Variants in FAM227B observed in about 807,000 individuals in gnomAD.
The protein encoded by FAM227B is protein FAM227B.
FAM227B carries 88 observed loss-of-function variants against 73.8 expected under a neutral mutation model. The ratio of observed to expected loss-of-function variants is 1.19; its 90% CI spans 1.00 to 1.42. FAM227B has a LOEUF of 1.42. FAM227B is among the 40% of genes most tolerant of loss of function. FAM227B has a pLI of 0.00. For synonymous variants in FAM227B, 210 were observed against 190.5 expected (o/e 1.10, Z -0.84); for missense variants, 632 against 590.9 (o/e 1.07, Z -0.72).
intron 11 of FAM227B, among the ~76,000 whole-genome samples, chr15:49,473,319 C>T (rs1005350070): frequency 5.3e-4 from 80 of 151,956 alleles, no homozygotes; most frequent in Admixed American, 4.9e-3. Context: ...AATTTATAAC[C>T]TTAACAAACC....
chr15:49,493,888 A>ATATATATGTGTG lies in FAM227B; in HGVS notation c.1012+14322_1012+14323insCACACATATATA, dbSNP rs146161182. Among the ~76,000 whole-genome samples, 1,200 of 148,888 alleles carry ATATATATGTGTG rather than the reference A, an allele frequency of 8.1e-3. 25 individuals carry two copies. Among genetic ancestry groups the ATATATATGTGTG allele is most frequent in the African/African-American group, 0.029 (1,151 of 40,386 alleles). On this transcript the variant is annotated intron_variant, in intron 11 of 15. Transcript: ENST00000299338. ...TATGTATGTGTATATATATATATATATGTGTGTGTGTGTATGTATGTGTGT... is the reference window on the plus strand; with the variant it reads ...TATGTATGTGTATATATATATATATATATATATGTGTGTGTGTGTGTGTGTATGTATGTGTGT...
At chr15:49,503,976 C>T (rs570704582) in intron 11 of FAM227B, among the ~76,000 whole-genome samples, 59 of 152,020 alleles carry the variant, frequency 3.9e-4, no homozygotes, top group African/African-American at 9.2e-4. Context: ...CACATGCACA[C>T]GTATGTTTAT....
chr15:49,601,329 A>C (rs2077193970), intron 3 of FAM227B, among the ~76,000 whole-genome samples: 1 of 151,828 alleles, frequency 6.6e-6, no homozygotes, highest in South Asian at 2.1e-4. Context: ...GGCTTACATA[A>C]AACATCTTAC....
At chr15:49,455,469 T>C (rs1409084006) in intron 11 of FAM227B, among the ~76,000 whole-genome samples, 1 of 152,160 alleles carries the variant, frequency 6.6e-6, no homozygotes, top group Non-Finnish European at 1.5e-5. Flanking sequence ...AGTAAGGCAA[T>C]GTTAAAAATA....
At chr15:49,453,769 C>T (rs537174314) in intron 11 of FAM227B, among the ~76,000 whole-genome samples, 3 of 152,238 alleles carry the variant, frequency 2.0e-5, no homozygotes, top group South Asian at 4.2e-4. Context: ...CACTAGATAG[C>T]TCTCCTGATG....
chr15:49,592,016 T>C (rs1172913106), intron 3 of FAM227B, among the ~76,000 whole-genome samples: 1 of 152,224 alleles, frequency 6.6e-6, no homozygotes, highest in Non-Finnish European at 1.5e-5. Flanking sequence ...GGTTTTCTGC[T>C]CCATCAGGTC....
intron 11 of FAM227B, among the ~76,000 whole-genome samples, chr15:49,457,334 G>A (rs968107835): frequency 4.6e-5 from 7 of 151,930 alleles, no homozygotes; most frequent in African/African-American, 1.7e-4. Context: ...TACCCTGTAG[G>A]TGGAATCCAT....
At chr15:49,349,640 G>A (rs1210264375) in intron 13 of FAM227B, among the ~76,000 whole-genome samples, 1 of 152,082 alleles carries the variant, frequency 6.6e-6, no homozygotes, top group Non-Finnish European at 1.5e-5. Flanking sequence ...GCATCAAAGG[G>A]AATTGAGCAG....
chr15:49,606,092 T>C (rs1262898599), intron 3 of FAM227B: 1 of 152,226 alleles, frequency 6.6e-6, no homozygotes, highest in African/African-American at 2.4e-5. Context: ...CTCTTCAAGG[T>C]ATCTTTTCTT....
In FAM227B at chr15:49,496,873, T is replaced by C. The variant is rs557724814; in HGVS notation, c.1012+11338A>G. ...TACTAATGTTTTACCCTAGTTCTGC[T>C]CTTTATCTGCCTTAGCCTTCCTCCA... On this transcript the variant is annotated intron_variant, in intron 11 of 15. Coordinates refer to ENST00000299338, the MANE Select transcript of FAM227B (RefSeq NM_152647.3). 4.6e-5 allele frequency among the ~76,000 whole-genome samples: 7 copies of C among 152,222 alleles called. No homozygotes were observed. In the South Asian group the frequency reaches 1.2e-3, roughly 27 times the overall value.
At chr15:49,494,469 G>C (rs1422297483) in intron 11 of FAM227B, among the ~76,000 whole-genome samples, 1 of 152,084 alleles carries the variant, frequency 6.6e-6, no homozygotes, top group Non-Finnish European at 1.5e-5. Flanking sequence ...CTTTATTAGT[G>C]AAAACTTTTC....
intron 11 of FAM227B, among the ~76,000 whole-genome samples, chr15:49,474,360 T>C (rs1475719598): frequency 1.3e-5 from 2 of 152,236 alleles, no homozygotes; most frequent in African/African-American, 4.8e-5. Flanking sequence ...GGAAATGGTA[T>C]TGATTTATTC....
At chr15:49,329,563 A>G in intron 15 of FAM227B, 2 of 984,836 alleles carry the variant, frequency 2.0e-6, no homozygotes, top group Non-Finnish European at 2.4e-6. Context: ...CATACATAGA[A>G]TACTAGGAAA....
At chr15:49,355,988 C>T (rs2043091960) in intron 13 of FAM227B, among the ~76,000 whole-genome samples, 1 of 151,354 alleles carries the variant, frequency 6.6e-6, no homozygotes, top group Non-Finnish European at 1.5e-5. Context: ...TCCAGCCAAA[C>T]TAAGCTTCAT....
intron 11 of FAM227B, chr15:49,423,499 C>CT (rs1197452479): frequency 2.0e-5 from 3 of 152,090 alleles, no homozygotes; most frequent in Non-Finnish European, 4.4e-5. Context: ...AAGTTTATCT[C>CT]TTTTTCTGAT....
At chr15:49,435,942 T>G (rs1444400753) in intron 11 of FAM227B, among the ~76,000 whole-genome samples, 2 of 151,550 alleles carry the variant, frequency 1.3e-5, no homozygotes, top group Admixed American at 1.3e-4. Context: ...ATGTTAATTC[T>G]TTAAAAATAC....
intron 11 of FAM227B, among the ~76,000 whole-genome samples, chr15:49,419,394 C>T (rs1313246583): frequency 6.6e-6 from 1 of 152,178 alleles, no homozygotes; most frequent in African/African-American, 2.4e-5. Flanking sequence ...GAAAGGGATT[C>T]ATGTTTTACC....
intron 15 of FAM227B, chr15:49,328,934 A>G (rs1389091314): frequency 3.4e-6 from 4 of 1,181,886 alleles, no homozygotes; most frequent in Non-Finnish European, 4.2e-6. Context: ...ACACTTTAAG[A>G]CTCTTCTATT....
chr15:49,369,290 G>C (rs1466437176), intron 12 of FAM227B, among the ~76,000 whole-genome samples: 3 of 152,128 alleles, frequency 2.0e-5, no homozygotes, highest in Non-Finnish European at 4.4e-5. Flanking sequence ...AATGTCGCAA[G>C]TTGACCAAAA....
Sources: gnomAD v4.1 joint callset for allele counts (sites outside exome capture counted in the v4.1 genomes callset) on GRCh38, gnomAD v4.1.1 for gene constraint, MANE v1.5 for transcripts, NCBI Gene and HGNC (gene_info 2026-07-23, HGNC 2026-07-21) for gene names.